SYNJ2: variants seen among roughly 807,000 people sequenced by gnomAD.
SYNJ2 encodes the protein polyphosphatidylinositol phosphatase SYNJ2.
Under a neutral mutation model 141.3 loss-of-function variants are expected in SYNJ2, and 116 were observed. The observed-to-expected ratio is 0.82, with a 90% CI of 0.71 to 0.96. SYNJ2 has a LOEUF of 0.96. SYNJ2 is among the 40% of genes least tolerant of loss of function. The pLI is 0.00. For synonymous variants in SYNJ2, 745 were observed against 777.7 expected (o/e 0.96, Z 0.70); for missense variants, 1,873 against 1,934.8 (o/e 0.97, Z 0.60).
rs578017518 is a variant in SYNJ2 at position 158,095,239 on chromosome 6, TACAG to T, written c.3745-376_3745-373del. 1.6e-3 allele frequency among the ~76,000 whole-genome samples: 239 copies of T among 152,306 alleles called. 1 individual carries two copies. The highest frequency in any genetic ancestry group is 5.5e-3 in the African/African-American group (228 of 41,564). On this transcript the variant is annotated intron_variant, in intron 26 of 26. Transcript: ENST00000355585. ...CACAAGTTACTTCACCCTAGCATGA[TACAG>T]ACCATGAATCAGCCCAGGTTGCAAC...
intron 1 of SYNJ2, among the ~76,000 whole-genome samples, chr6:158,005,493 C>T (rs1480964372): frequency 6.6e-6 from 1 of 152,130 alleles, no homozygotes; most frequent in Non-Finnish European, 1.5e-5. Context: ...CCCTGCCTTG[C>T]ACTCACCCTC....
rs1244459427 is a variant in SYNJ2, at chr6:158,062,146, G to T, written c.1109G>T (p.Gly370Val). 2 of 1,613,772 alleles carry T rather than the reference G, an allele frequency of 1.2e-6. No individual in the cohort carries two copies. The highest frequency in any genetic ancestry group is 4.5e-5 in the East Asian group (2 of 44,870). ...HWEDFDVFTK[G>V]ENVSPRFQKG... ...GAAGACTTCGATGTGTTCACAAAGG[G>T]GGAGAACGTCAGTCCACGGTGAGGC... The change falls in exon 8 of 27, where the codon GGG (glycine) becomes GTG (valine). Residue 370 changes from glycine (G) to valine (V), a missense_variant. Coordinates refer to ENST00000355585, the MANE Select transcript of SYNJ2 (RefSeq NM_003898.4).
chr6:158,011,425 C>T (rs1036489000), intron 1 of SYNJ2, among the ~76,000 whole-genome samples: 2 of 152,148 alleles, frequency 1.3e-5, no homozygotes, highest in African/African-American at 4.8e-5. Context: ...CATGATGTTC[C>T]TGTCCACCAT....
chr6:158,065,031 G>C, intron 11 of SYNJ2, 40 bp downstream of exon 11: 1 of 1,484,074 alleles, frequency 6.7e-7, no homozygotes, highest in Non-Finnish European at 9.0e-7. Flanking sequence ...GGGAGGTAGG[G>C]TGCTCCCCAG....
chr6:158,035,721 T>G (rs1201392012), intron 4 of SYNJ2, among the ~76,000 whole-genome samples: 1 of 152,190 alleles, frequency 6.6e-6, no homozygotes, highest in Non-Finnish European at 1.5e-5. Flanking sequence ...AGAGAGGGCA[T>G]CCTTGTCCTG....
chr6:158,003,662 G>A (rs901797409), intron 1 of SYNJ2, among the ~76,000 whole-genome samples: 23 of 152,196 alleles, frequency 1.5e-4, no homozygotes, highest in African/African-American at 5.5e-4. Flanking sequence ...GTGTTATTGT[G>A]GAAAATATTA....
intron 2 of SYNJ2, among the ~76,000 whole-genome samples, chr6:158,019,486 A>G (rs1394577041): frequency 1.3e-5 from 2 of 152,066 alleles, no homozygotes; most frequent in Admixed American, 6.5e-5. Context: ...AGCCCCAAAG[A>G]TGTCTTATTA....
intron 7 of SYNJ2, among the ~76,000 whole-genome samples, chr6:158,059,690 G>T (rs1382569094): frequency 6.6e-6 from 1 of 152,104 alleles, no homozygotes; most frequent in African/African-American, 2.4e-5. Context: ...AAGTAGCTGG[G>T]ATTACAGGCA....
chr6:158,063,678 A>C lies in SYNJ2; in HGVS notation c.1128-113A>C, dbSNP rs901286549. On this transcript the variant is annotated intron_variant, in intron 8 of 26. Transcript: ENST00000355585. The stretch of plus-strand genomic sequence containing the variant: ...CTGTCTCAAAAAAAAAAAAAAAAAA[A>C]AAAAAAAAACCATGTTTCCTTGGGA... 18 of 622,110 alleles carry C rather than the reference A, an allele frequency of 2.9e-5. No individual in the cohort carries two copies. In the South Asian group the frequency reaches 3.1e-4, roughly 11 times the overall value. 38.5% of individuals were successfully genotyped at this position (622,110 alleles called of 1,614,324 possible).
rs947619300 is a variant in SYNJ2, at chr6:158,098,663, T to C, written c.*2299T>C. Reference sequence around the variant, plus strand: ...ATCTTGACAATGAGCAGCTGCCATCTTGGGGGATTTCATTCTGTGGTTTTT... The same window carrying C: ...ATCTTGACAATGAGCAGCTGCCATCCTGGGGGATTTCATTCTGTGGTTTTT... On this transcript the variant is annotated 3_prime_UTR_variant, in exon 27 of 27. Transcript: ENST00000355585. 6.6e-6 allele frequency: 1 copy of C among 152,210 alleles called. No homozygotes were observed. The highest frequency in any genetic ancestry group is 2.4e-5 in the African/African-American group (1 of 41,454). 9.4% of individuals were successfully genotyped at this position (152,210 alleles called of 1,614,324 possible). A position where few individuals can be genotyped will look rare whatever the true frequency, so the allele number is the denominator to read the frequency against.
chr6:158,032,991 CTG>C lies in SYNJ2; in HGVS notation c.486-462_486-461del, dbSNP rs553090028. ...GTGTATATGTGGATAATTTAAATAA[CTG>C]TTCCCATATTTAATATGATTTTTAA... On this transcript the variant is annotated intron_variant, in intron 3 of 26. Transcript: ENST00000355585. Among the ~76,000 whole-genome samples the C allele has an allele frequency of 2.0e-3, 301 of 152,314 alleles. 3 individuals carry two copies. Among genetic ancestry groups the C allele is most frequent in the African/African-American group, 6.9e-3 (287 of 41,556 alleles).
At chr6:158,039,644 C>T (rs1315443289) in intron 4 of SYNJ2, among the ~76,000 whole-genome samples, 2 of 152,130 alleles carry the variant, frequency 1.3e-5, no homozygotes, top group Non-Finnish European at 2.9e-5. Flanking sequence ...TTCTGGAGAC[C>T]TTTAACGTGC....
chr6:158,068,752 C>T (rs1241941412), intron 13 of SYNJ2, 24 bp downstream of exon 13: 1 of 1,613,066 alleles, frequency 6.2e-7, no homozygotes, highest in Admixed American at 1.7e-5. Context: ...TGTGCGGGGC[C>T]AGGCAGGGAC....
At chr6:158,075,591 A>T (rs145488147) in intron 16 of SYNJ2, among the ~76,000 whole-genome samples, 13 of 151,848 alleles carry the variant, frequency 8.6e-5, no homozygotes, top group Non-Finnish European at 1.8e-4. Flanking sequence ...CAGTGAGCCG[A>T]GATCGCACCA....
chr6:158,037,808 G>T (rs963941187), intron 4 of SYNJ2, among the ~76,000 whole-genome samples: 2 of 152,246 alleles, frequency 1.3e-5, no homozygotes, highest in African/African-American at 4.8e-5. Context: ...AAGGGACACA[G>T]CTCACCCTGG....
chr6:158,069,820 C>T (rs540831495), intron 14 of SYNJ2, 147 bp downstream of exon 14: 66 of 1,035,938 alleles, frequency 6.4e-5, no homozygotes, highest in Middle Eastern at 3.2e-4. Flanking sequence ...GCAAAACCCC[C>T]TAGGAAAAAC....
At chr6:158,092,125 C>T (rs1191297480) in intron 25 of SYNJ2, among the ~76,000 whole-genome samples, 1 of 135,046 alleles carries the variant, frequency 7.4e-6, no homozygotes, top group Non-Finnish European at 1.6e-5. Flanking sequence ...AAAAAAAAAA[C>T]TCTAGAGATG....
chr6:158,026,718 C>A, intron 2 of SYNJ2: 1 of 475,934 alleles, frequency 2.1e-6, no homozygotes, highest in Non-Finnish European at 2.7e-6. Context: ...ATGACTCTCA[C>A]GGAGTGATGT....
intron 1 of SYNJ2, among the ~76,000 whole-genome samples, chr6:157,985,640 AT>A (rs1262714065): frequency 1.3e-5 from 2 of 152,218 alleles, no homozygotes; most frequent in Non-Finnish European, 2.9e-5. Flanking sequence ...AAAAGTGCTT[AT>A]TGTTAATGGA....
Sources: allele counts gnomAD v4.1 joint callset (sites outside exome capture counted in the v4.1 genomes callset), GRCh38; gene constraint gnomAD v4.1.1; transcripts MANE v1.5; gene names NCBI Gene and HGNC (gene_info 2026-07-23, HGNC 2026-07-21).